SIK3: variants seen among roughly 807,000 people sequenced by gnomAD.
SIK3 encodes the protein SIK family kinase 3.
A neutral mutation model predicts 144.2 loss-of-function variants in SIK3; 28 were observed. The observed-to-expected ratio is 0.19, with a 90% CI of 0.14 to 0.27. The LOEUF is 0.27. SIK3 is among the 10% of genes least tolerant of loss of function. The probability of loss-of-function intolerance (pLI) is 1.00; values close to 1 mark genes in which losing one functional copy is unlikely to be tolerated. For missense variants in SIK3, 1,319 were observed against 1,776.0 expected, an observed-to-expected ratio of 0.74 and a Z score of 4.62; for synonymous variants, 686 against 676.3, an observed-to-expected ratio of 1.01 and a Z score of -0.22.
At chr11:116,856,411 C>A (rs903856429) in intron 21 of SIK3, among the ~76,000 whole-genome samples, 34 of 152,154 alleles carry the variant, frequency 2.2e-4, no homozygotes, top group Non-Finnish European at 4.0e-4. Context: ...TTTGCTGCAA[C>A]TTCTATCTTG....
chr11:116,967,003 C>CCAAA (rs1555113643), intron 1 of SIK3, among the ~76,000 whole-genome samples: 2 of 100,140 alleles, frequency 2.0e-5, no homozygotes. Flanking sequence ...GACTCTGTTT[C>CCAAA]AAAAAAAAAA....
chr11:116,989,662 CTG>C (rs1950436484), intron 1 of SIK3, among the ~76,000 whole-genome samples: 1 of 151,868 alleles, frequency 6.6e-6, no homozygotes, highest in Non-Finnish European at 1.5e-5. Context: ...TTAGACTTGA[CTG>C]TGAGTTCCTA....
chr11:116,863,974 TTCCC>T, intron 15 of SIK3, 156 bp from the exon 16 acceptor site: 5 of 682,818 alleles, frequency 7.3e-6, no homozygotes, highest in Admixed American at 3.3e-5. Flanking sequence ...CATCAGTCGT[TTCCC>T]TAGCCTGCTT....
At chr11:116,992,528 A>C (rs1262676754) in intron 1 of SIK3, among the ~76,000 whole-genome samples, 3 of 152,210 alleles carry the variant, frequency 2.0e-5, no homozygotes, top group African/African-American at 7.2e-5. Flanking sequence ...TATGGCAATT[A>C]GCACTACTGT....
chr11:116,986,410 T>G (rs749131281), intron 1 of SIK3, among the ~76,000 whole-genome samples: 1 of 152,234 alleles, frequency 6.6e-6, no homozygotes, highest in African/African-American at 2.4e-5. Flanking sequence ...CCACTAATAC[T>G]GTTAGTATTA....
intron 1 of SIK3, among the ~76,000 whole-genome samples, chr11:116,977,897 G>A (rs1950004634): frequency 6.6e-6 from 1 of 152,178 alleles, no homozygotes; most frequent in African/African-American, 2.4e-5. Flanking sequence ...AACTTTATGT[G>A]CAAGAGCATG....
chr11:116,982,818 C>G (rs1212170037), intron 1 of SIK3, among the ~76,000 whole-genome samples: 2 of 151,666 alleles, frequency 1.3e-5, no homozygotes, highest in Admixed American at 6.6e-5. Context: ...GTGGCACACA[C>G]CTGTAGTCCC....
chr11:116,972,600 ACT>A (rs1282522728), intron 1 of SIK3, among the ~76,000 whole-genome samples: 3 of 152,110 alleles, frequency 2.0e-5, no homozygotes, highest in African/African-American at 7.2e-5. Flanking sequence ...TTTGGGATGT[ACT>A]CTGTGACTAA....
intron 1 of SIK3, among the ~76,000 whole-genome samples, chr11:116,998,470 TAAAAAAAAAAAAAA>T (rs59998385): frequency 2.2e-5 from 3 of 136,408 alleles, no homozygotes; most frequent in African/African-American, 8.2e-5. Flanking sequence ...GACTCCGTCT[TAAAAAAAAAAAAAA>T]AAAAAAAATT....
At chr11:116,873,428 CTTT>C (rs1269902831) in intron 13 of SIK3, 50 bp downstream of exon 13, 2 of 1,613,306 alleles carry the variant, frequency 1.2e-6, no homozygotes, top group African/African-American at 2.7e-5. Flanking sequence ...GGCTCACAAC[CTTT>C]TTATCAAAAG....
chr11:117,012,942 C>T (rs997659882), intron 1 of SIK3, among the ~76,000 whole-genome samples: 4 of 147,862 alleles, frequency 2.7e-5, no homozygotes, highest in Non-Finnish European at 5.9e-5. Flanking sequence ...AGCTCTGCCT[C>T]CCGGGTTCAC....
rs1166063428 is a variant in SIK3, at chr11:116,870,453, C to G, written c.1738-52G>C. 3.7e-6 allele frequency: 6 copies of G among 1,611,090 alleles called. No individual in the cohort carries two copies. In the South Asian group the frequency reaches 6.6e-5, roughly 18 times the overall value. On this transcript the variant is annotated intron_variant, in intron 13 of 24. Coordinates refer to ENST00000445177, the MANE Select transcript of SIK3 (RefSeq NM_001366686.3). ...CAAGGTGGCAGCTTATTCTGTCATG[C>G]CTCTTACTCTAGTAACTGGGCTTGG... is the stretch of plus-strand genomic sequence containing the variant.
At position 116,849,270 on chromosome 11, in the gene SIK3, C is replaced by G. The variant is rs1309193611; in HGVS notation, c.3669G>C (p.Gly1223=). The G allele has an allele frequency of 7.4e-6, 12 of 1,614,172 alleles. No individual in the cohort carries two copies. The highest frequency in any genetic ancestry group is 1.0e-5 in the Non-Finnish European group (12 of 1,180,018). ...CTGGAGAACTTCTATCCATGCAGTT[C>G]CCTATGACAGGCTCTGAGGAGACAC... ...NKVPSREPVI[G]NCMDRSSPGQ... Residue 1223 remains glycine (G), a synonymous_variant, in exon 22 of 25, where the codon GGG becomes GGC. Coordinates refer to ENST00000445177, the MANE Select transcript of SIK3 (RefSeq NM_001366686.3). The surrounding 1 kb of genome is among the most constrained non-coding windows in gnomAD (Gnocchi z 4.2).
chr11:116,972,198 T>G (rs2135471358), intron 1 of SIK3, among the ~76,000 whole-genome samples: 1 of 152,210 alleles, frequency 6.6e-6, no homozygotes, highest in Middle Eastern at 3.4e-3. Flanking sequence ...CTGAGACACC[T>G]ACCAATGAAG....
chr11:117,053,650 C>G (rs11826742), intron 1 of SIK3, among the ~76,000 whole-genome samples: 39,964 of 150,662 alleles, frequency 0.27, 7,234 homozygotes, highest in African/African-American at 0.51. Flanking sequence ...CTCTTTCCCC[C>G]CTCCCACCCT....
chr11:116,895,230 C>G (rs1402650599), intron 6 of SIK3, among the ~76,000 whole-genome samples: 2 of 152,188 alleles, frequency 1.3e-5, no homozygotes, highest in East Asian at 3.9e-4. Context: ...TGCTCCATCC[C>G]CGCGGCCTCT....
intron 1 of SIK3, among the ~76,000 whole-genome samples, chr11:116,984,444 C>A (rs1249663664): frequency 6.6e-6 from 1 of 152,158 alleles, no homozygotes; most frequent in African/African-American, 2.4e-5. Context: ...AAGCAGCATG[C>A]GTTTCCAGAT....
intron 1 of SIK3, among the ~76,000 whole-genome samples, chr11:117,015,493 C>T (rs184742568): frequency 1.3e-5 from 2 of 152,208 alleles, no homozygotes; most frequent in East Asian, 3.9e-4. Flanking sequence ...CTCACTGCAA[C>T]CTCCACCTCC....
At chr11:117,053,559 C>A (rs190811147) in intron 1 of SIK3, among the ~76,000 whole-genome samples, 59 of 152,274 alleles carry the variant, frequency 3.9e-4, no homozygotes, top group Middle Eastern at 3.4e-3. Context: ...TAAACAGTTT[C>A]ATCCCAGTTA....
Sources: allele counts gnomAD v4.1 joint callset (sites outside exome capture counted in the v4.1 genomes callset), GRCh38; gene constraint gnomAD v4.1.1; non-coding constraint Gnocchi (gnomAD v3.1); transcripts MANE v1.5; gene names NCBI Gene and HGNC (gene_info 2026-07-23, HGNC 2026-07-21).